Variants in MINDY4 observed in about 807,000 individuals in gnomAD.
The protein encoded by MINDY4 is MINDY lysine 48 deubiquitinase 4.
MINDY4 carries 68 observed loss-of-function variants against 87.0 expected under a neutral mutation model. The observed-to-expected ratio is 0.78, with a 90% confidence interval of 0.64 to 0.96. The LOEUF is 0.96. MINDY4 is among the 40% of genes least tolerant of loss of function. The pLI is 0.00. For missense variants in MINDY4, 919 were observed against 928.2 expected (o/e 0.99, Z 0.13); for synonymous variants, 379 against 363.2 (o/e 1.04, Z -0.50).
intron 1 of MINDY4, among the ~76,000 whole-genome samples, chr7:30,776,679 G>C (rs538504514): frequency 4.9e-4 from 75 of 152,330 alleles, no homozygotes; most frequent in African/African-American, 1.7e-3. Context: ...GGATGATGCT[G>C]AACAAATAGC....
In MINDY4 at chr7:30,875,645, AAC is replaced by A. The variant is rs1382075015; in HGVS notation, c.1962_1963del (p.Met655ValfsTer20). ...IGFLSLFEHY[N>X]MCQVGCFLKT... ...CTTCTTATCTCTCTTTGAGCATTAC[AAC>A]ATGTGCCAGGTACCCAGATGCTCAC... On this transcript the variant is annotated frameshift_variant, in exon 15 of 18. Transcript: ENST00000265299. LOFTEE classifies it high-confidence loss of function. 1.9e-6 allele frequency: 3 copies of A among 1,608,548 alleles called. No homozygotes were observed. Among genetic ancestry groups the A allele is most frequent in the Non-Finnish European group, 2.6e-6 (3 of 1,176,180 alleles).
At chr7:30,784,356 T>G (rs557871311) in intron 3 of MINDY4, among the ~76,000 whole-genome samples, 6 of 152,196 alleles carry the variant, frequency 3.9e-5, no homozygotes, top group African/African-American at 7.2e-5. Context: ...AGAGTGATAG[T>G]AGGCACTTTC....
At chr7:30,774,610 A>G (rs1481822362) in intron 1 of MINDY4, among the ~76,000 whole-genome samples, 1 of 150,032 alleles carries the variant, frequency 6.7e-6, no homozygotes, top group Admixed American at 6.6e-5. Flanking sequence ...TTTTGTCCCC[A>G]TCATTCCATG....
At chr7:30,821,231 G>A (rs1293567255) in intron 5 of MINDY4, among the ~76,000 whole-genome samples, 3 of 152,084 alleles carry the variant, frequency 2.0e-5, no homozygotes, top group Non-Finnish European at 2.9e-5. Flanking sequence ...TTCTCATTTA[G>A]GTTTATCTAA....
chr7:30,875,535 A>T lies in MINDY4; in HGVS notation c.1850A>T (p.Asn617Ile). The T allele has an allele frequency of 1.9e-6, 3 of 1,614,168 alleles. No homozygotes were observed. The highest frequency in any genetic ancestry group is 2.5e-6 in the Non-Finnish European group (3 of 1,180,026). The change falls in exon 15 of 18, where the codon AAC becomes ATC. Residue 617 changes from asparagine (N) to isoleucine (I), a missense_variant. Physicochemically the swap from Asn to Ile is moderately radical, Grantham distance 149 (BLOSUM62 -3). Coordinates refer to ENST00000265299, the MANE Select transcript of MINDY4 (RefSeq NM_032222.3). ...NLLLTGKAVS[N>I]VFNDVVELDS... ...CTCCTGACTGGGAAAGCTGTGTCCA[A>T]CGTTTTCAACGATGTGGTTGAGCTG... is the stretch of plus-strand genomic sequence containing the variant.
At chr7:30,778,006 T>C (rs1046247626) in intron 1 of MINDY4, among the ~76,000 whole-genome samples, 1 of 152,312 alleles carries the variant, frequency 6.6e-6, no homozygotes, top group East Asian at 1.9e-4. Context: ...CAGTTTGGGA[T>C]GGTTACAGCC....
chr7:30,830,170 G>A (rs17159490), intron 6 of MINDY4, among the ~76,000 whole-genome samples: 1,737 of 152,238 alleles, frequency 0.011, 48 homozygotes, highest in African/African-American at 0.04. Context: ...ACTTTGGTTC[G>A]ATTCAGTAAA....
In MINDY4 at chr7:30,824,374, A is replaced by G. The variant is rs144449035; in HGVS notation, c.1074-4305A>G. Among the ~76,000 whole-genome samples, 814 of 152,272 alleles carry G rather than the reference A, an allele frequency of 5.3e-3. 6 individuals carry two copies. Among genetic ancestry groups the G allele is most frequent in the African/African-American group, 0.016 (683 of 41,546 alleles). On this transcript the variant is annotated intron_variant, in intron 5 of 17. Coordinates refer to ENST00000265299, the MANE Select transcript of MINDY4 (RefSeq NM_032222.3). The stretch of plus-strand genomic sequence containing the variant: ...ATGAGGGCAAAGCACTCATGACTCA[A>G]TCATCTCCTGAATGCCCCACCTCTG...
At chr7:30,785,686 G>A (rs903736452) in intron 3 of MINDY4, 63 bp from the exon 4 acceptor site, 3 of 1,583,380 alleles carry the variant, frequency 1.9e-6, no homozygotes, top group African/African-American at 2.7e-5. Flanking sequence ...TGTGGAATTT[G>A]CTATCTTTGT....
chr7:30,869,346 T>C (rs1790032683), intron 13 of MINDY4, among the ~76,000 whole-genome samples: 1 of 152,204 alleles, frequency 6.6e-6, no homozygotes, highest in South Asian at 2.1e-4. Flanking sequence ...CTTCAGCCCG[T>C]ATGTTTCATG....
intron 13 of MINDY4, among the ~76,000 whole-genome samples, chr7:30,867,487 G>A (rs1789975247): frequency 1.3e-5 from 2 of 152,108 alleles, no homozygotes; most frequent in South Asian, 2.1e-4. Context: ...ATAGAAGGAG[G>A]CATCATTGTA....
At chr7:30,773,919 A>G (rs192500974) in intron 1 of MINDY4, among the ~76,000 whole-genome samples, 7 of 152,248 alleles carry the variant, frequency 4.6e-5, no homozygotes, top group East Asian at 1.9e-4. Context: ...TGCACCCTCC[A>G]TAACAGGTGC....
intron 9 of MINDY4, among the ~76,000 whole-genome samples, chr7:30,847,124 G>A (rs1789245214): frequency 6.6e-6 from 1 of 152,174 alleles, no homozygotes; most frequent in African/African-American, 2.4e-5. Flanking sequence ...GGCCAGGGAG[G>A]GCAACGGTTT....
chr7:30,881,759 T>TTC (rs1790468858), intron 15 of MINDY4, among the ~76,000 whole-genome samples: 1 of 152,164 alleles, frequency 6.6e-6, no homozygotes, highest in Non-Finnish European at 1.5e-5. Flanking sequence ...AGCTCTAGGC[T>TTC]AGTGGACAAG....
At chr7:30,806,969 A>T (rs984728722) in intron 5 of MINDY4, among the ~76,000 whole-genome samples, 1 of 152,258 alleles carries the variant, frequency 6.6e-6, no homozygotes, top group African/African-American at 2.4e-5. Context: ...ATGCATGGAA[A>T]GTCTAAGAGA....
rs1290587975 is a variant in MINDY4 at position 30,875,515 on chromosome 7, G to A, written c.1830G>A (p.Leu610=). Residue 610 remains leucine (L), a synonymous_variant, in exon 15 of 18, where the codon CTG becomes CTA. Coordinates refer to ENST00000265299, the MANE Select transcript of MINDY4 (RefSeq NM_032222.3). ...YCTQELVNLL[L]TGKAVSNVFN... Reference sequence around the variant, plus strand: ...TGCAGGAACTTGTCAATCTGCTCCTGACTGGGAAAGCTGTGTCCAACGTTT... The same window carrying A: ...TGCAGGAACTTGTCAATCTGCTCCTAACTGGGAAAGCTGTGTCCAACGTTT... 1 of 1,614,192 alleles carries A rather than the reference G, an allele frequency of 6.2e-7. No homozygotes were observed. Among genetic ancestry groups the A allele is most frequent in the Non-Finnish European group, 8.5e-7 (1 of 1,180,032 alleles).
chr7:30,871,938 T>G (rs1790117885), intron 13 of MINDY4, among the ~76,000 whole-genome samples: 1 of 152,088 alleles, frequency 6.6e-6, no homozygotes, highest in Admixed American at 6.5e-5. Flanking sequence ...AAACCCAGGG[T>G]CCTCTCTACC....
chr7:30,817,947 C>T (rs1788207506), intron 5 of MINDY4, among the ~76,000 whole-genome samples: 2 of 152,166 alleles, frequency 1.3e-5, no homozygotes, highest in African/African-American at 4.8e-5. Flanking sequence ...CAGTTTCACT[C>T]GCCTTGTTGC....
Position 30,859,670 on chromosome 7 carries a change from C to T in MINDY4, c.1745+346C>T, listed in dbSNP as rs1177217812. On this transcript the variant is annotated intron_variant, in intron 13 of 17. Coordinates refer to ENST00000265299, the MANE Select transcript of MINDY4 (RefSeq NM_032222.3). ...AGGGGATGGACAATTGAGGCTGAGA[C>T]CCAGGAGATGGCTGAGGGCCCTCTA... Among the ~76,000 whole-genome samples the T allele has an allele frequency of 1.3e-5, 2 of 152,160 alleles. 1 individual carries two copies. The highest frequency in any genetic ancestry group is 1.3e-4 in the Admixed American group (2 of 15,278).
Sources: gnomAD v4.1 joint callset for allele counts (sites outside exome capture counted in the v4.1 genomes callset) on GRCh38, gnomAD v4.1.1 for gene constraint, MANE v1.5 for transcripts, NCBI Gene and HGNC (gene_info 2026-07-23, HGNC 2026-07-21) for gene names.